LYST: variants seen among roughly 807,000 people sequenced by gnomAD.
LYST encodes lysosomal trafficking regulator.
Under a neutral mutation model 413.6 loss-of-function variants are expected in LYST, and 192 were observed. The observed-to-expected ratio is 0.46, with a 90% CI of 0.41 to 0.52. The LOEUF is 0.52. Among genes scored for constraint, LYST ranks in the 20% least tolerant of loss-of-function variants. The pLI, the probability that LYST is intolerant of heterozygous loss-of-function variation, is 0.00. For synonymous variants in LYST, 1,525 were observed against 1,567.3 expected (o/e 0.97, Z 0.64); for missense variants, 3,815 against 4,499.9 (o/e 0.85, Z 4.35).
intron 1 of LYST, among the ~76,000 whole-genome samples, chr1:235,837,575 T>A (rs1477553458): frequency 6.7e-6 from 1 of 149,342 alleles, no homozygotes; most frequent in Admixed American, 6.7e-5. Context: ...TGCAGTGAGC[T>A]GAGATTGAGC....
intron 19 of LYST, among the ~76,000 whole-genome samples, chr1:235,772,744 C>G (rs867213896): frequency 6.6e-6 from 1 of 152,168 alleles, no homozygotes; most frequent in African/African-American, 2.4e-5. Context: ...ATCCATTTCC[C>G]TCTCCTGGAC....
At chr1:235,821,566 T>G (rs553000575) in intron 3 of LYST, among the ~76,000 whole-genome samples, 2 of 152,384 alleles carry the variant, frequency 1.3e-5, no homozygotes, top group Admixed American at 1.3e-4. Context: ...GATAGTTATA[T>G]GTACTGTTTT....
At chr1:235,860,950 CT>C (rs957794802) in intron 1 of LYST, among the ~76,000 whole-genome samples, 10 of 151,524 alleles carry the variant, frequency 6.6e-5, no homozygotes, top group African/African-American at 1.7e-4. Context: ...GCAGTATGTA[CT>C]TTTTTTTTCT....
Position 235,813,156 on chromosome 1 carries a change from T to C in LYST, c.193-95A>G, listed in dbSNP as rs185599409. The C allele has an allele frequency of 5.9e-4, 433 of 739,032 alleles. 1 individual carries two copies. In the African/African-American group the frequency reaches 6.8e-3, roughly 12 times the overall value. 45.8% of individuals were successfully genotyped at this position (739,032 alleles called of 1,614,324 possible). A position where few individuals can be genotyped will look rare whatever the true frequency, so the allele number is the denominator to read the frequency against. ...TTAAACTGAACCAAAAAATCCTTTT[T>C]CTTGAAAGTCTGCATTTGAAAAGCT... is the stretch of plus-strand genomic sequence containing the variant. On this transcript the variant is annotated intron_variant, in intron 3 of 52. Coordinates refer to ENST00000389793, the MANE Select transcript of LYST (RefSeq NM_000081.4).
At chr1:235,864,081 T>C (rs1244103015) in intron 1 of LYST, among the ~76,000 whole-genome samples, 5 of 152,040 alleles carry the variant, frequency 3.3e-5, no homozygotes, top group African/African-American at 4.8e-5. Flanking sequence ...ATCCCCCTTA[T>C]CCCTGATGTT....
intron 1 of LYST, among the ~76,000 whole-genome samples, chr1:235,863,166 G>A (rs183878469): frequency 9.2e-5 from 14 of 152,198 alleles, no homozygotes; most frequent in Admixed American, 6.5e-4. Context: ...GCCGAGGAGG[G>A]CAGATGATGA....
At chr1:235,695,645 T>TC (rs1298361023) in intron 46 of LYST, among the ~76,000 whole-genome samples, 1 of 148,952 alleles carries the variant, frequency 6.7e-6, no homozygotes, top group Non-Finnish European at 1.5e-5. Flanking sequence ...TTTTTTTTTT[T>TC]TTTTTGAGAC....
At chr1:235,760,695 T>C (rs1667497673) in intron 22 of LYST, among the ~76,000 whole-genome samples, 1 of 152,166 alleles carries the variant, frequency 6.6e-6, no homozygotes, top group Admixed American at 6.5e-5. Flanking sequence ...GGTGATTCTT[T>C]TGCAGGTTAA....
chr1:235,769,550 T>TA (rs1001641880), intron 20 of LYST, among the ~76,000 whole-genome samples: 4 of 151,824 alleles, frequency 2.6e-5, no homozygotes, highest in Admixed American at 6.6e-5. Flanking sequence ...CCTTAGACAT[T>TA]AAAAAAAACT....
intron 31 of LYST, chr1:235,737,921 G>GGATGTGTA: frequency 8.5e-7 from 1 of 1,176,874 alleles, no homozygotes; most frequent in Non-Finnish European, 1.1e-6. Context: ...CGACGAGTCT[G>GGATGTGTA]GATCTCACTG....
chr1:235,878,243 A>G (rs1681225587), intron 1 of LYST, among the ~76,000 whole-genome samples: 1 of 152,218 alleles, frequency 6.6e-6, no homozygotes, highest in South Asian at 2.1e-4. Context: ...ACTCCAGGCC[A>G]GGAGGCAGTC....
chr1:235,826,637 C>A (rs1382646679), intron 3 of LYST, among the ~76,000 whole-genome samples: 1 of 152,126 alleles, frequency 6.6e-6, no homozygotes, highest in Non-Finnish European at 1.5e-5. Context: ...CGGAAATATT[C>A]TAAACAATGA....
intron 10 of LYST, among the ~76,000 whole-genome samples, chr1:235,799,793 C>T (rs1217605609): frequency 6.6e-6 from 1 of 151,994 alleles, no homozygotes; most frequent in Non-Finnish European, 1.5e-5. Context: ...CAACTCAACC[C>T]CTTGGAATCT....
chr1:235,862,806 AACACACACACACACACACACAC>A (rs57043954), intron 1 of LYST, among the ~76,000 whole-genome samples: 2 of 121,424 alleles, frequency 1.6e-5, no homozygotes, highest in South Asian at 2.5e-4. Context: ...AAAACAAACA[AACACACACACACACACACACAC>A]ACACACACAC....
chr1:235,827,209 T>G (rs1675431442), intron 3 of LYST, among the ~76,000 whole-genome samples: 1 of 151,926 alleles, frequency 6.6e-6, no homozygotes, highest in Admixed American at 6.6e-5. Context: ...ACTAAAAATA[T>G]TTTTAAAAAT....
At chr1:235,812,826 CTAAA>C in intron 4 of LYST, 141 bp downstream of exon 4, 3 of 675,688 alleles carry the variant, frequency 4.4e-6, no homozygotes, top group South Asian at 1.7e-5. Context: ...ATGTGTTTGC[CTAAA>C]TAATTTTTCA....
intron 1 of LYST, among the ~76,000 whole-genome samples, chr1:235,846,589 G>C (rs1677906490): frequency 6.6e-6 from 1 of 152,016 alleles, no homozygotes. Flanking sequence ...AGGGACCAGA[G>C]AAAGGTGAAG....
chr1:235,736,763 ATCTT>A (rs1664856478), intron 31 of LYST: 1 of 152,164 alleles, frequency 6.6e-6, no homozygotes, highest in Non-Finnish European at 1.5e-5. Context: ...ATACTTTGCT[ATCTT>A]TCTTTGTGTT....
rs1665945363 is a variant in LYST, at chr1:235,746,541, T to C, written c.7781-14A>G. 2 of 1,593,508 alleles carry C rather than the reference T, an allele frequency of 1.3e-6. No individual in the cohort carries two copies. Among genetic ancestry groups the C allele is most frequent in the East Asian group, 2.2e-5 (1 of 44,542 alleles). ...ATTTTCGAGGACCTTTAAAAGTATA[T>C]AAATTAAAACATCAAATCCCAGTGT... is the stretch of plus-strand genomic sequence containing the variant. On this transcript the variant is annotated splice_polypyrimidine_tract_variant and intron_variant, in intron 28 of 52. Coordinates refer to ENST00000389793, the MANE Select transcript of LYST (RefSeq NM_000081.4).
Sources: gnomAD v4.1 joint callset for allele counts (sites outside exome capture counted in the v4.1 genomes callset) on GRCh38, gnomAD v4.1.1 for gene constraint, MANE v1.5 for transcripts, NCBI Gene and HGNC (gene_info 2026-07-23, HGNC 2026-07-21) for gene names.